The following IL16 variants were observed in gnomAD, a reference collection of about 807,000 sequenced individuals.
IL16 encodes interleukin 16, also known as pro-interleukin-16.
Under a neutral mutation model 110.1 loss-of-function variants are expected in IL16, and 67 were observed. The ratio of observed to expected loss-of-function variants is 0.61; its 90% CI spans 0.50 to 0.75. The LOEUF is 0.75. Ranked by LOEUF, IL16 falls within the 30% of genes least tolerant of loss-of-function variation. IL16 has a pLI of 0.00. For missense variants in IL16, 1,545 were observed against 1,655.0 expected (o/e 0.93, Z 1.15); for synonymous variants, 689 against 662.9 (o/e 1.04, Z -0.61).
At chr15:81,282,591 G>C (rs1300485866) in intron 8 of IL16, 48 bp from the exon 9 acceptor site, 1 of 1,422,546 alleles carries the variant, frequency 7.0e-7, no homozygotes. Context: ...TAGGCCCCCT[G>C]GGAAAGCTCA....
intron 2 of IL16, among the ~76,000 whole-genome samples, chr15:81,253,047 G>C (rs930559263): frequency 2.0e-5 from 3 of 152,086 alleles, no homozygotes; most frequent in Admixed American, 6.6e-5. Context: ...TTGAAAAACT[G>C]ACACTGTTTT....
chr15:81,307,514 C>G (rs1456493437), intron 18 of IL16, among the ~76,000 whole-genome samples: 1 of 152,196 alleles, frequency 6.6e-6, no homozygotes, highest in Non-Finnish European at 1.5e-5. Context: ...GCATTCCCCC[C>G]AGAATCCATG....
intron 2 of IL16, among the ~76,000 whole-genome samples, chr15:81,231,373 T>C (rs113771312): frequency 5.0e-4 from 73 of 145,592 alleles, no homozygotes; most frequent in Non-Finnish European, 8.1e-4. Flanking sequence ...TCTCTCTCTC[T>C]CTCTCTCTCC....
At chr15:81,216,724 A>T (rs1595956976) in intron 1 of IL16, among the ~76,000 whole-genome samples, 1 of 151,638 alleles carries the variant, frequency 6.6e-6, no homozygotes, top group East Asian at 1.9e-4. Context: ...ATTCATGAGG[A>T]CCTCCTATGA....
At chr15:81,187,125 C>T (rs1367700135) in intron 1 of IL16, among the ~76,000 whole-genome samples, 1 of 152,164 alleles carries the variant, frequency 6.6e-6, no homozygotes, top group African/African-American at 2.4e-5. Context: ...CTTACACTGG[C>T]GAACCTTCCA....
intron 2 of IL16, among the ~76,000 whole-genome samples, chr15:81,252,813 C>G (rs1046726628): frequency 6.6e-6 from 1 of 152,134 alleles, no homozygotes; most frequent in Non-Finnish European, 1.5e-5. Flanking sequence ...TGTATCAGTT[C>G]ATTCATTTTA....
chr15:81,185,474 C>T (rs916745018), intron 1 of IL16, among the ~76,000 whole-genome samples: 1 of 151,824 alleles, frequency 6.6e-6, no homozygotes, highest in African/African-American at 2.4e-5. Context: ...TCCCACCTCA[C>T]CCTCCTTAGT....
At chr15:81,262,595 T>A (rs1330698550) in intron 3 of IL16, among the ~76,000 whole-genome samples, 1 of 152,204 alleles carries the variant, frequency 6.6e-6, no homozygotes. Context: ...GCAAACGATA[T>A]GCAGTTAGGT....
At chr15:81,238,672 G>C (rs1897251445) in intron 2 of IL16, among the ~76,000 whole-genome samples, 1 of 152,000 alleles carries the variant, frequency 6.6e-6, no homozygotes, top group African/African-American at 2.4e-5. Flanking sequence ...CTCATAAAGG[G>C]AAAGATGATC....
At chr15:81,280,210 AC>A (rs993715920) in intron 8 of IL16, among the ~76,000 whole-genome samples, 5 of 151,542 alleles carry the variant, frequency 3.3e-5, no homozygotes, top group Non-Finnish European at 7.4e-5. Context: ...TCCCTTTGCC[AC>A]CCCCCCAGGT....
intron 6 of IL16, among the ~76,000 whole-genome samples, chr15:81,277,641 G>T (rs192680880): frequency 2.0e-5 from 3 of 151,950 alleles, no homozygotes; most frequent in Non-Finnish European, 4.4e-5. Flanking sequence ...ACAGGGTTTC[G>T]CCATGTTGCC....
rs1275444035 is a variant in IL16, at chr15:81,243,143, G to GTATATATATATATA, written c.313-16621_313-16608dup. ...TTTTGCTTATATATTAGCTATATAA[G>GTATATATATATATA]TATATATATATATATATATATTTTT... is the stretch of plus-strand genomic sequence containing the variant. On this transcript the variant is annotated intron_variant, in intron 2 of 18. Transcript: ENST00000683961. Among the ~76,000 whole-genome samples the GTATATATATATATA allele has an allele frequency of 5.4e-3, 256 of 47,166 alleles. 4 individuals are homozygous for GTATATATATATATA. The highest frequency in any genetic ancestry group is 6.2e-3 in the Admixed American group (17 of 2,724). The allele number at this position is 47,166 out of a possible 152,430, so 30.9% of individuals were successfully genotyped here.
chr15:81,200,124 C>T (rs971514241), intron 1 of IL16, among the ~76,000 whole-genome samples: 2 of 152,102 alleles, frequency 1.3e-5, no homozygotes, highest in Non-Finnish European at 1.5e-5. Flanking sequence ...CAGATTGCAT[C>T]AGGTTCTTAG....
At chr15:81,276,092 G>A (rs1898896835) in intron 6 of IL16, among the ~76,000 whole-genome samples, 1 of 152,148 alleles carries the variant, frequency 6.6e-6, no homozygotes, top group African/African-American at 2.4e-5. Context: ...CCTTCTTTCA[G>A]CACACATGTA....
intron 1 of IL16, among the ~76,000 whole-genome samples, chr15:81,211,399 G>A (rs970669960): frequency 6.6e-6 from 1 of 152,116 alleles, no homozygotes; most frequent in African/African-American, 2.4e-5. Flanking sequence ...TTACAGGCAT[G>A]CACCACCATG....
intron 1 of IL16, 81 bp downstream of exon 1, chr15:81,197,233 G>C (rs2141938265): frequency 1.0e-6 from 1 of 967,776 alleles, no homozygotes; most frequent in African/African-American, 1.7e-5. Context: ...TGACCTGAAT[G>C]GGGAGGGTCT....
intron 6 of IL16, among the ~76,000 whole-genome samples, chr15:81,274,928 G>A (rs746032076): frequency 6.6e-6 from 1 of 151,386 alleles, no homozygotes; most frequent in Non-Finnish European, 1.5e-5. Flanking sequence ...GCTTCAGGAA[G>A]CAGAGTGTAG....
intron 2 of IL16, among the ~76,000 whole-genome samples, chr15:81,247,323 A>G (rs773821241): frequency 6.6e-6 from 1 of 151,912 alleles, no homozygotes; most frequent in Non-Finnish European, 1.5e-5. Context: ...GCACTGTTTT[A>G]TCTTTAGCTG....
At chr15:81,253,803 G>C (rs1157121486) in intron 2 of IL16, among the ~76,000 whole-genome samples, 1 of 152,244 alleles carries the variant, frequency 6.6e-6, no homozygotes, top group African/African-American at 2.4e-5. Flanking sequence ...GCCATTGGCA[G>C]TGGGAATGGG....
Sources: allele counts gnomAD v4.1 joint callset (sites outside exome capture counted in the v4.1 genomes callset), GRCh38; gene constraint gnomAD v4.1.1; transcripts MANE v1.5; gene names NCBI Gene and HGNC (gene_info 2026-07-23, HGNC 2026-07-21).